CNTNAP2: variants seen among roughly 807,000 people sequenced by gnomAD.
CNTNAP2 encodes contactin associated protein 2, also known as contactin-associated protein-like 2.
A neutral mutation model predicts 155.2 loss-of-function variants in CNTNAP2; 98 were observed. The ratio of observed to expected loss-of-function variants is 0.63; its 90% CI spans 0.54 to 0.75. CNTNAP2 has a LOEUF of 0.75. CNTNAP2 is among the 30% of genes least tolerant of loss of function. CNTNAP2 has a pLI of 0.00. For synonymous variants in CNTNAP2, 651 were observed against 631.2 expected (o/e 1.03, Z -0.47); for missense variants, 1,727 against 1,688.1 (o/e 1.02, Z -0.40).
intron 10 of CNTNAP2, among the ~76,000 whole-genome samples, chr7:147,422,327 G>T (rs1217969426): frequency 6.6e-6 from 1 of 150,532 alleles, no homozygotes; most frequent in East Asian, 2.0e-4. Flanking sequence ...CTCAGCCATG[G>T]CTCTACCCTG....
chr7:147,630,996 T>C (rs1286935005), intron 12 of CNTNAP2, among the ~76,000 whole-genome samples: 1 of 150,680 alleles, frequency 6.6e-6, no homozygotes, highest in Non-Finnish European at 1.5e-5. Context: ...GAGAAAGAAA[T>C]AAAGGGCATC....
intron 3 of CNTNAP2, among the ~76,000 whole-genome samples, chr7:147,028,093 A>G (rs918819752): frequency 3.9e-5 from 6 of 152,310 alleles, no homozygotes; most frequent in Non-Finnish European, 8.8e-5. Flanking sequence ...TTGAGTTGAA[A>G]AAGTCAGCCG....
At chr7:146,314,747 G>A (rs956107320) in intron 1 of CNTNAP2, among the ~76,000 whole-genome samples, 4 of 152,116 alleles carry the variant, frequency 2.6e-5, no homozygotes, top group African/African-American at 9.7e-5. Flanking sequence ...TATATTTACT[G>A]CTGGGTCAAG....
At chr7:146,411,579 T>A (rs117530076) in intron 1 of CNTNAP2, among the ~76,000 whole-genome samples, 1,815 of 152,208 alleles carry the variant, frequency 0.012, 18 homozygotes, top group Non-Finnish European at 0.019. Flanking sequence ...TATCAAAACA[T>A]CATATTGTAC....
At chr7:146,885,890 G>A (rs562533023) in intron 3 of CNTNAP2, among the ~76,000 whole-genome samples, 1 of 151,140 alleles carries the variant, frequency 6.6e-6, no homozygotes, top group East Asian at 1.9e-4. Flanking sequence ...AACTTGTCGT[G>A]TTTCATTATG....
chr7:147,850,487 G>A (rs1365756538), intron 13 of CNTNAP2, among the ~76,000 whole-genome samples: 1 of 152,172 alleles, frequency 6.6e-6, no homozygotes, highest in Admixed American at 6.5e-5. Context: ...GAACAAAGCT[G>A]GAGGCATCAC....
At chr7:146,822,872 C>G (rs1039849563) in intron 2 of CNTNAP2, among the ~76,000 whole-genome samples, 2 of 149,066 alleles carry the variant, frequency 1.3e-5, no homozygotes, top group African/African-American at 4.9e-5. Context: ...TGTAAATATA[C>G]TCATTCTTCA....
chr7:147,530,453 C>G (rs1395827166), intron 11 of CNTNAP2, among the ~76,000 whole-genome samples: 3 of 152,110 alleles, frequency 2.0e-5, no homozygotes, highest in African/African-American at 7.2e-5. Context: ...GCTGGGATTA[C>G]AGGGGTGAGC....
chr7:147,188,157 A>G (rs1584780623), intron 8 of CNTNAP2, among the ~76,000 whole-genome samples: 1 of 152,362 alleles, frequency 6.6e-6, no homozygotes, highest in African/African-American at 2.4e-5. Flanking sequence ...AGTAACTTTT[A>G]GAAGAGATTT....
chr7:148,251,572 A>G (rs1426951935), intron 20 of CNTNAP2, among the ~76,000 whole-genome samples: 1 of 152,174 alleles, frequency 6.6e-6, no homozygotes, highest in Non-Finnish European at 1.5e-5. Flanking sequence ...TTTGGGCTCA[A>G]TGCTCCCAAC....
chr7:148,055,825 G>T (rs565356812), intron 15 of CNTNAP2, among the ~76,000 whole-genome samples: 286 of 152,198 alleles, frequency 1.9e-3, no homozygotes, highest in African/African-American at 6.6e-3. Flanking sequence ...CATTCCTATC[G>T]CCTTCTTTTA....
rs183788395 is a variant in CNTNAP2, at chr7:146,775,442, C to A, written c.208+1061C>A. On this transcript the variant is annotated intron_variant, in intron 2 of 23. Coordinates refer to ENST00000361727, the MANE Select transcript of CNTNAP2 (RefSeq NM_014141.6). ...AATATATAAATTTTTTGTGACTGCA[C>A]CTTAATACAGCTAAAGGAAAATAAG... Among the ~76,000 whole-genome samples the A allele has an allele frequency of 4.1e-3, 624 of 151,544 alleles. 3 individuals carry two copies. Among genetic ancestry groups the A allele is most frequent in the African/African-American group, 0.014 (584 of 41,292 alleles).
chr7:146,133,767 A>G (rs1287810570), intron 1 of CNTNAP2, among the ~76,000 whole-genome samples: 1 of 151,950 alleles, frequency 6.6e-6, no homozygotes, highest in Non-Finnish European at 1.5e-5. Context: ...TGTTCCATTG[A>G]TCTATATCTC....
At chr7:148,002,721 T>C (rs548550816) in intron 15 of CNTNAP2, among the ~76,000 whole-genome samples, 59 of 152,300 alleles carry the variant, frequency 3.9e-4, no homozygotes, top group Non-Finnish European at 6.3e-4. Flanking sequence ...GGTTTCTTTG[T>C]ACGACCTAAG....
chr7:146,387,376 G>C (rs10237250), intron 1 of CNTNAP2, among the ~76,000 whole-genome samples: 20,203 of 152,036 alleles, frequency 0.13, 1,655 homozygotes, highest in African/African-American at 0.24. Context: ...AACAAGCTTA[G>C]AACAGCCTAC....
chr7:147,179,536 GAAT>G (rs1270348952), intron 8 of CNTNAP2, among the ~76,000 whole-genome samples: 1 of 152,158 alleles, frequency 6.6e-6, no homozygotes, highest in East Asian at 1.9e-4. Flanking sequence ...ATGTGAGTGA[GAAT>G]AATATTATTA....
intron 1 of CNTNAP2, among the ~76,000 whole-genome samples, chr7:146,246,862 G>C (rs969117022): frequency 1.3e-5 from 2 of 152,202 alleles, no homozygotes; most frequent in African/African-American, 4.8e-5. Flanking sequence ...TGGGGGAGGA[G>C]GTTCTGGAGG....
At chr7:146,238,280 T>G (rs1029445546) in intron 1 of CNTNAP2, among the ~76,000 whole-genome samples, 4 of 152,314 alleles carry the variant, frequency 2.6e-5, no homozygotes, top group South Asian at 2.1e-4. Context: ...CTCAAAAGCA[T>G]AACATTTAAG....
intron 1 of CNTNAP2, among the ~76,000 whole-genome samples, chr7:146,761,284 T>TGGAAGGAAGGAAGGAAGGAA (rs369635102): frequency 5.5e-5 from 8 of 144,660 alleles, no homozygotes; most frequent in Admixed American, 2.8e-4. Flanking sequence ...TCATAATTGC[T>TGGAAGGAAGGAAGGAAGGAA]GGAAGGAAGG....
Sources: allele counts gnomAD v4.1 joint callset (sites outside exome capture counted in the v4.1 genomes callset), GRCh38; gene constraint gnomAD v4.1.1; transcripts MANE v1.5; gene names NCBI Gene and HGNC (gene_info 2026-07-23, HGNC 2026-07-21).